Variants in DYM observed in about 807,000 individuals in gnomAD.
The protein encoded by DYM is dyggve-Melchior-Clausen syndrome protein.
Under a neutral mutation model 93.1 loss-of-function variants are expected in DYM, and 78 were observed. The ratio of observed to expected loss-of-function variants is 0.84; its 90% confidence interval spans 0.70 to 1.01. DYM has a LOEUF of 1.01. Ranked by LOEUF, DYM falls within the 50% of genes least tolerant of loss-of-function variation. The pLI is 0.00. For synonymous variants in DYM, 321 were observed against 319.7 expected, an observed-to-expected ratio of 1.00 and a Z score of -0.04; for missense variants, 789 against 845.0, an observed-to-expected ratio of 0.93 and a Z score of 0.82.
At chr18:49,273,328 A>G (rs2094761126) in intron 10 of DYM, among the ~76,000 whole-genome samples, 1 of 152,184 alleles carries the variant, frequency 6.6e-6, no homozygotes, top group Non-Finnish European at 1.5e-5. Context: ...TTTCCCAGGC[A>G]TTCTTGTCTT....
intron 2 of DYM, among the ~76,000 whole-genome samples, chr18:49,418,223 A>G (rs935901227): frequency 1.3e-5 from 2 of 152,218 alleles, no homozygotes; most frequent in African/African-American, 2.4e-5. Flanking sequence ...ACACACGATT[A>G]TGTTCACACA....
chr18:49,291,483 G>T (rs763663523), intron 8 of DYM, among the ~76,000 whole-genome samples: 1 of 152,132 alleles, frequency 6.6e-6, no homozygotes, highest in Non-Finnish European at 1.5e-5. Flanking sequence ...GCTGTTATGG[G>T]GGAAGGGGGG....
chr18:49,086,698 A>G (rs890099144), intron 17 of DYM, among the ~76,000 whole-genome samples: 3 of 152,148 alleles, frequency 2.0e-5, no homozygotes, highest in African/African-American at 7.2e-5. Flanking sequence ...TGCCCTCAAA[A>G]GAGAGACTGC....
intron 16 of DYM, among the ~76,000 whole-genome samples, chr18:49,114,873 T>C (rs2081783382): frequency 6.6e-6 from 1 of 152,190 alleles, no homozygotes; most frequent in South Asian, 2.1e-4. Context: ...TTTGACATTA[T>C]TAGAACTGAT....
intron 6 of DYM, among the ~76,000 whole-genome samples, chr18:49,355,144 T>C (rs1378385968): frequency 1.3e-5 from 2 of 151,994 alleles, no homozygotes; most frequent in African/African-American, 4.8e-5. Flanking sequence ...ATCTACTCTG[T>C]ACATGACAAT....
At chr18:49,103,341 A>T (rs1300672117) in intron 16 of DYM, among the ~76,000 whole-genome samples, 2 of 151,882 alleles carry the variant, frequency 1.3e-5, no homozygotes, top group African/African-American at 2.4e-5. Flanking sequence ...GATGGCAAAA[A>T]TTTTCTCCCA....
intron 2 of DYM, among the ~76,000 whole-genome samples, chr18:49,409,121 T>C (rs1324725459): frequency 6.6e-6 from 1 of 151,572 alleles, no homozygotes; most frequent in African/African-American, 2.4e-5. Flanking sequence ...CCGTCTCTAC[T>C]AAAAATACAA....
chr18:49,272,065 T>C (rs1483768874), intron 11 of DYM, 113 bp downstream of exon 11: 2 of 829,950 alleles, frequency 2.4e-6, no homozygotes, highest in Non-Finnish European at 3.8e-6. Flanking sequence ...ACATTTCTAA[T>C]ACAGGTTCTC....
chr18:49,097,461 C>G lies in DYM; in HGVS notation c.1966G>C (p.Glu656Gln). The change falls in exon 17 of 18, where the codon GAA becomes CAA. Residue 656 changes from glutamate to glutamine, a missense_variant. Physicochemically the swap from Glu to Gln is conservative, Grantham distance 29 (BLOSUM62 2). Transcript: ENST00000675505. Reference protein sequence around the residue: ...LLQAGAELSVERVLEIIKQGV... With the variant: ...LLQAGAELSVQRVLEIIKQGV... The stretch of plus-strand genomic sequence containing the variant: ...TGCTTAATGATTTCCAGGACCCGTT[C>G]CACTGACAGCTCAGCTCCAGCTTGC... 1 of 1,614,044 alleles carries G rather than the reference C, an allele frequency of 6.2e-7. No homozygotes were observed. Among genetic ancestry groups the G allele is most frequent in the Non-Finnish European group, 8.5e-7 (1 of 1,179,950 alleles).
intron 13 of DYM, among the ~76,000 whole-genome samples, chr18:49,213,112 T>G (rs1302664592): frequency 6.6e-6 from 1 of 152,194 alleles, no homozygotes; most frequent in Non-Finnish European, 1.5e-5. Flanking sequence ...ATGGTTATGC[T>G]TCACTAAAAT....
At chr18:49,382,565 A>C (rs1266293160) in intron 3 of DYM, among the ~76,000 whole-genome samples, 1 of 152,218 alleles carries the variant, frequency 6.6e-6, no homozygotes, top group African/African-American at 2.4e-5. Context: ...AGCCAGAGTA[A>C]CAACACAGGA....
In DYM at chr18:49,085,780, G is replaced by T. The variant is rs367621078; in HGVS notation, c.2025+11622C>A. ...CTGCCACCGCGCCTGGCTAATTTTT[G>T]TATTTTTAGTAGAGACGGGGTTTCA... is the stretch of plus-strand genomic sequence containing the variant. On this transcript the variant is annotated intron_variant, in intron 17 of 17. Coordinates refer to ENST00000675505, the MANE Select transcript of DYM (RefSeq NM_001353214.3). Among the ~76,000 whole-genome samples, 6 of 151,952 alleles carry T rather than the reference G, an allele frequency of 3.9e-5. No homozygotes were observed. The East Asian group carries it at 9.7e-4, about 25-fold the overall frequency.
chr18:49,119,343 T>G (rs1339180189), intron 15 of DYM, among the ~76,000 whole-genome samples: 1 of 152,212 alleles, frequency 6.6e-6, no homozygotes, highest in African/African-American at 2.4e-5. Context: ...ATGACTTCAT[T>G]TCTCTACACT....
At chr18:49,066,064 C>A (rs535823036) in intron 17 of DYM, among the ~76,000 whole-genome samples, 9 of 151,988 alleles carry the variant, frequency 5.9e-5, no homozygotes, top group Admixed American at 3.9e-4. Flanking sequence ...ATATGCATAC[C>A]GAAAAGTTCC....
intron 17 of DYM, among the ~76,000 whole-genome samples, chr18:49,044,752 A>G (rs1408079644): frequency 6.6e-6 from 1 of 152,246 alleles, no homozygotes; most frequent in East Asian, 1.9e-4. Context: ...GCTTGGCCTC[A>G]GTCTCTTCCT....
At chr18:49,089,093 T>C (rs1379524420) in intron 17 of DYM, among the ~76,000 whole-genome samples, 2 of 152,184 alleles carry the variant, frequency 1.3e-5, no homozygotes, top group Non-Finnish European at 2.9e-5. Context: ...TCACTGCACC[T>C]GGCTCCAAAG....
At chr18:49,160,663 T>C (rs2086999059) in intron 15 of DYM, among the ~76,000 whole-genome samples, 1 of 151,610 alleles carries the variant, frequency 6.6e-6, no homozygotes, top group Non-Finnish European at 1.5e-5. Context: ...TACCAACAAG[T>C]GGTTTAAAGC....
At chr18:49,365,118 C>CCAGCAGTTAATTGCAAAGCATCAAAG in intron 5 of DYM, among the ~76,000 whole-genome samples, 1 of 152,074 alleles carries the variant, frequency 6.6e-6, no homozygotes, top group East Asian at 1.9e-4. Flanking sequence ...CAGAAAAAAT[C>CCAGCAGTTAATTGCAAAGCATCAAAG]CAGCAGTTAA....
chr18:49,057,209 C>CA (rs2075576372), intron 17 of DYM, among the ~76,000 whole-genome samples: 1 of 152,138 alleles, frequency 6.6e-6, no homozygotes, highest in African/African-American at 2.4e-5. Context: ...TCACAGTTTA[C>CA]AACTTTATGA....
Sources: gnomAD v4.1 joint callset for allele counts (sites outside exome capture counted in the v4.1 genomes callset) on GRCh38, gnomAD v4.1.1 for gene constraint, MANE v1.5 for transcripts, NCBI Gene and HGNC (gene_info 2026-07-23, HGNC 2026-07-21) for gene names.